Variants in ARID4A observed in about 807,000 individuals in gnomAD.
ARID4A encodes the protein AT-rich interactive domain-containing protein 4A.
Under a neutral mutation model 148.6 loss-of-function variants are expected in ARID4A, and 39 were observed. That is an observed-to-expected ratio of 0.26 (90% CI 0.20 to 0.34). The LOEUF is 0.34. Ranked by LOEUF, ARID4A falls within the 10% of genes least tolerant of loss-of-function variation. ARID4A has a pLI of 1.00. For missense variants in ARID4A, 1,265 were observed against 1,449.1 expected (o/e 0.87, Z 2.06); for synonymous variants, 475 against 481.2 (o/e 0.99, Z 0.17).
At chr14:58,320,918 C>T (rs968291202) in intron 7 of ARID4A, among the ~76,000 whole-genome samples, 3 of 152,220 alleles carry the variant, frequency 2.0e-5, no homozygotes, top group East Asian at 1.9e-4. Context: ...ATGACATTGA[C>T]GTTTTTGAAG....
chr14:58,342,664 A>G (rs1296884003), intron 11 of ARID4A, among the ~76,000 whole-genome samples: 1 of 152,112 alleles, frequency 6.6e-6, no homozygotes, highest in Non-Finnish European at 1.5e-5. Flanking sequence ...TGTAATCCCA[A>G]CACTTTGGGA....
chr14:58,336,885 TTTTTC>T (rs1391055727), intron 11 of ARID4A, among the ~76,000 whole-genome samples: 7 of 151,668 alleles, frequency 4.6e-5, no homozygotes, highest in Non-Finnish European at 1.0e-4. Flanking sequence ...TTCTTTTTCT[TTTTTC>T]TTTTCTTTTT....
In ARID4A at chr14:58,318,633, C is replaced by T. The variant is rs755285071; in HGVS notation, c.354+12C>T. ...TTGCAGAGAGTGAGGTAGGGTGACA[C>T]GGATGGACGATTTGGATTGAACTAC... On this transcript the variant is annotated intron_variant, in intron 6 of 23. Transcript: ENST00000355431. 34 of 1,613,808 alleles carry T rather than the reference C, an allele frequency of 2.1e-5. No homozygotes were observed. Among genetic ancestry groups the T allele is most frequent in the Admixed American group, 3.3e-5 (2 of 59,974 alleles).
At chr14:58,322,801 A>G (rs2032976052) in intron 7 of ARID4A, among the ~76,000 whole-genome samples, 1 of 151,414 alleles carries the variant, frequency 6.6e-6, no homozygotes, top group African/African-American at 2.4e-5. Flanking sequence ...GTCTCTACTA[A>G]AAATACAAAA....
chr14:58,365,741 A>T (rs1452482439), intron 21 of ARID4A, 119 bp downstream of exon 21: 14 of 891,276 alleles, frequency 1.6e-5, no homozygotes, highest in Non-Finnish European at 2.3e-5. Context: ...TTCATTTAAC[A>T]GTATTATACT....
intron 11 of ARID4A, 40 bp downstream of exon 11, chr14:58,330,209 A>G (rs2033443976): frequency 3.1e-6 from 5 of 1,590,202 alleles, no homozygotes; most frequent in African/African-American, 1.4e-5. Context: ...ACATCTTAAT[A>G]CTCTCTAGTG....
chr14:58,328,295 G>A lies in ARID4A; in HGVS notation c.641G>A (p.Arg214Gln), dbSNP rs2033327404. ...GTGAAAAAGGATCAGTGTTTAGTTC[G>A]ATCATTTATTGATTCTAAATTGTGA... is the stretch of plus-strand genomic sequence containing the variant. The part of the protein sequence containing the change: ...ITVKKDQCLV[R>Q]SFIDSKFYSI... Residue 214 changes from arginine to glutamine, a missense_variant, in exon 9 of 24, where the codon CGA (arginine) becomes CAA (glutamine). Arg to Gln is a conservative substitution (Grantham distance 43). Around this residue, in one of 9 missense-constraint regions of ARID4A, gnomAD observed 249 missense variants for 277.2 expected, o/e 0.90. Coordinates refer to ENST00000355431, the MANE Select transcript of ARID4A (RefSeq NM_002892.4). The A allele has an allele frequency of 1.2e-6, 2 of 1,600,924 alleles. No homozygotes were observed. The highest frequency in any genetic ancestry group is 8.6e-7 in the Non-Finnish European group (1 of 1,169,056).
chr14:58,328,151 A>C, intron 8 of ARID4A, 86 bp from the exon 9 acceptor site: 1 of 907,158 alleles, frequency 1.1e-6, no homozygotes, highest in South Asian at 1.5e-5. Flanking sequence ...TTGAGAAGTT[A>C]GGGGATCCAG....
intron 23 of ARID4A, among the ~76,000 whole-genome samples, chr14:58,369,676 G>T (rs946101935): frequency 7.0e-6 from 1 of 142,958 alleles, no homozygotes; most frequent in Admixed American, 7.0e-5. Flanking sequence ...TATATAAAAA[G>T]AAATGGATCT....
intron 18 of ARID4A, 129 bp downstream of exon 18, chr14:58,359,345 C>A: frequency 2.6e-6 from 2 of 764,874 alleles, no homozygotes; most frequent in South Asian, 2.2e-5. Flanking sequence ...ATAGACCTCC[C>A]ATATACTCTC....
intron 9 of ARID4A, 87 bp from the exon 10 acceptor site, chr14:58,329,438 GTTT>G (rs2033395698): frequency 2.4e-6 from 2 of 850,918 alleles, no homozygotes; most frequent in Non-Finnish European, 1.9e-6. Flanking sequence ...TGATTTTGAG[GTTT>G]TTATTTTTCT....
At chr14:58,329,721 C>A in intron 10 of ARID4A, 117 bp downstream of exon 10, 1 of 991,984 alleles carries the variant, frequency 1.0e-6, no homozygotes, top group Non-Finnish European at 1.5e-6. Context: ...GAGTTGATAT[C>A]CACTCTTACT....
chr14:58,312,644 G>T (rs2032126826), intron 5 of ARID4A, among the ~76,000 whole-genome samples: 1 of 152,098 alleles, frequency 6.6e-6, no homozygotes, highest in Admixed American at 6.6e-5. Context: ...GCTGTACATG[G>T]ATATAACAAT....
intron 17 of ARID4A, 112 bp downstream of exon 17, chr14:58,353,967 A>G: frequency 1.0e-6 from 1 of 977,768 alleles, no homozygotes; most frequent in Middle Eastern, 3.1e-4. Context: ...TACAAAGCAC[A>G]CCTTGGTTCT....
At chr14:58,349,699 G>A (rs2034544457) in intron 15 of ARID4A, among the ~76,000 whole-genome samples, 1 of 151,942 alleles carries the variant, frequency 6.6e-6, no homozygotes, top group African/African-American at 2.4e-5. Context: ...GGTCGATAGA[G>A]CGAGACTCCA....
Position 58,365,284 on chromosome 14 carries a change from A to G in ARID4A, c.3195A>G (p.Arg1065=). 2 of 1,611,458 alleles carry G rather than the reference A, an allele frequency of 1.2e-6. No individual in the cohort carries two copies. Among genetic ancestry groups the G allele is most frequent in the East Asian group, 2.2e-5 (1 of 44,846 alleles). ...SGTCSIIVQE[R]ESREKGQKRP... ...CCTGTAGTATAATTGTACAAGAGAG[A>G]GAGAGCAGAGAGAAGGGTAAGGACT... The change falls in exon 20 of 24, where the codon AGA becomes AGG. Residue 1065 remains arginine (R), a synonymous_variant. Coordinates refer to ENST00000355431, the MANE Select transcript of ARID4A (RefSeq NM_002892.4).
chr14:58,346,094 T>A (rs1300135449), intron 12 of ARID4A, among the ~76,000 whole-genome samples: 6 of 151,826 alleles, frequency 4.0e-5, no homozygotes, highest in Non-Finnish European at 1.5e-5. Context: ...GTGTTTACTT[T>A]AGTTTTACTC....
Position 58,306,113 on chromosome 14 carries a change from GTAAGTAAT to G in ARID4A, c.274+11_274+18del. 4 of 1,607,148 alleles carry G rather than the reference GTAAGTAAT, an allele frequency of 2.5e-6. No individual in the cohort carries two copies. The highest frequency in any genetic ancestry group is 3.4e-6 in the Non-Finnish European group (4 of 1,174,020). ...ACAGATGCTAGTTGGTATACCGTGG[GTAAGTAAT>G]TAAGTAATTTAACACAGATTTGATT... On this transcript the variant is annotated splice_donor_variant and splice_donor_5th_base_variant and intron_variant, in intron 5 of 23. Transcript: ENST00000355431. LOFTEE classifies it high-confidence loss of function.
Position 58,364,286 on chromosome 14 carries a change from G to C in ARID4A, c.2197G>C (p.Asp733His). 1.3e-6 allele frequency: 2 copies of C among 1,561,508 alleles called. No homozygotes were observed. Among genetic ancestry groups the C allele is most frequent in the South Asian group, 1.2e-5 (1 of 80,442 alleles). Reference protein sequence around the residue: ...KNENLNDDKLDEENPKISAHI... With the variant: ...KNENLNDDKLHEENPKISAHI... ...TGAAAATTTGAATGATGATAAGCTA[G>C]ATGAAGAAAATCCAAAGATTTCTGC... is the stretch of plus-strand genomic sequence containing the variant. The change falls in exon 20 of 24, where the codon GAT (aspartate) becomes CAT (histidine). Residue 733 changes from aspartate to histidine, a missense_variant. Asp to His is a moderately conservative substitution (Grantham distance 81). Transcript: ENST00000355431.
Sources: allele counts gnomAD v4.1 joint callset (sites outside exome capture counted in the v4.1 genomes callset), GRCh38; gene constraint gnomAD v4.1.1; regional missense constraint gnomAD v4.1.1; transcripts MANE v1.5; gene names NCBI Gene and HGNC (gene_info 2026-07-23, HGNC 2026-07-21).